APP: variants seen among roughly 807,000 people sequenced by gnomAD.
The protein encoded by APP is amyloid-beta precursor protein.
In APP, 31 loss-of-function variants were observed where a neutral mutation model predicts 101.4. The observed-to-expected ratio is 0.31, with a 90% CI of 0.23 to 0.41. The LOEUF is 0.41. Among genes scored for constraint, APP ranks in the 10% least tolerant of loss-of-function variants. The pLI, the probability that APP is intolerant of heterozygous loss-of-function variation, is 1.00. For missense variants in APP, 839 were observed against 1,003.7 expected (o/e 0.84, Z 2.22); for synonymous variants, 366 against 364.4 (o/e 1.00, Z -0.05).
rs113618309 is a variant in APP, at chr21:26,088,998, C to T, written c.355+945G>A. Among the ~76,000 whole-genome samples the T allele has an allele frequency of 7.3e-4, 111 of 152,264 alleles. 1 individual carries two copies. Among genetic ancestry groups the T allele is most frequent in the African/African-American group, 2.4e-3 (98 of 41,554 alleles). ...TTTGACCATATATTACATAGATCTC[C>T]GGAATCTTCAGTAAATATCCTTACT... On this transcript the variant is annotated intron_variant, in intron 3 of 17. Coordinates refer to ENST00000346798, the MANE Select transcript of APP (RefSeq NM_000484.4).
intron 1 of APP, among the ~76,000 whole-genome samples, chr21:26,126,988 A>C (rs939762572): frequency 2.6e-5 from 4 of 151,970 alleles, no homozygotes; most frequent in African/African-American, 7.3e-5. Context: ...AAAAAAAAAA[A>C]ACGTTAATTT....
At chr21:26,142,402 C>A (rs1298606285) in intron 1 of APP, among the ~76,000 whole-genome samples, 1 of 152,174 alleles carries the variant, frequency 6.6e-6, no homozygotes, top group Admixed American at 6.5e-5. Context: ...TGCTTATTTT[C>A]ACCAAGCCTC....
intron 3 of APP, among the ~76,000 whole-genome samples, chr21:26,058,407 T>G (rs924282207): frequency 1.3e-5 from 2 of 152,176 alleles, no homozygotes; most frequent in Admixed American, 6.5e-5. Context: ...AAAAAAAATC[T>G]GGAATTCTTT....
chr21:26,170,877 G>A, upstream of APP: 2 of 388,320 alleles, frequency 5.2e-6, no homozygotes, highest in Middle Eastern at 6.9e-4. Context: ...GGGGAACTGC[G>A]CCCGCTCGCG....
intron 6 of APP, among the ~76,000 whole-genome samples, chr21:26,007,220 A>T (rs1378098890): frequency 6.6e-6 from 1 of 151,666 alleles, no homozygotes; most frequent in Non-Finnish European, 1.5e-5. Context: ...AAAAGGGCAA[A>T]TGTAAGACAA....
At chr21:26,053,546 T>C in intron 3 of APP, 198 bp from the exon 4 acceptor site, 1 of 502,812 alleles carries the variant, frequency 2.0e-6, no homozygotes. Context: ...ACTTCAAGTT[T>C]GATGGTTAAA....
chr21:26,067,222 T>A (rs758027753), intron 3 of APP, among the ~76,000 whole-genome samples: 1 of 152,256 alleles, frequency 6.6e-6, no homozygotes, highest in Admixed American at 6.5e-5. Flanking sequence ...CATTTCAACA[T>A]GCAATCAATG....
chr21:25,917,044 C>A (rs1469937368), intron 13 of APP, among the ~76,000 whole-genome samples: 1 of 152,032 alleles, frequency 6.6e-6, no homozygotes, highest in South Asian at 2.1e-4. Context: ...GGGTGGATCA[C>A]GAGGTCAGGA....
chr21:26,013,190 G>A (rs953213102), intron 6 of APP, among the ~76,000 whole-genome samples: 7 of 152,088 alleles, frequency 4.6e-5, no homozygotes, highest in East Asian at 1.9e-4. Context: ...GGTTGTGTGC[G>A]CCTGTAATCC....
chr21:26,092,255 A>T (rs2061840923), intron 2 of APP, among the ~76,000 whole-genome samples: 2 of 152,186 alleles, frequency 1.3e-5, no homozygotes, highest in Admixed American at 1.3e-4. Flanking sequence ...ACCCCAAAAA[A>T]ATCAGTTAAA....
At chr21:26,059,224 T>C (rs2046169124) in intron 3 of APP, among the ~76,000 whole-genome samples, 1 of 152,128 alleles carries the variant, frequency 6.6e-6, no homozygotes. Flanking sequence ...TATTTGAATA[T>C]CAGATTAAAA....
intron 5 of APP, among the ~76,000 whole-genome samples, chr21:26,049,792 G>C (rs557216260): frequency 4.7e-4 from 71 of 152,270 alleles, no homozygotes; most frequent in Admixed American, 9.2e-4. Context: ...GAGGATAATG[G>C]ACTAAAAGCC....
At chr21:25,958,433 T>A (rs1291054637) in intron 11 of APP, among the ~76,000 whole-genome samples, 1 of 152,162 alleles carries the variant, frequency 6.6e-6, no homozygotes, top group Non-Finnish European at 1.5e-5. Context: ...CGTGCCACCA[T>A]GCTCAGCTAA....
At chr21:25,883,324 A>ACTT (rs1336297690) in intron 17 of APP, among the ~76,000 whole-genome samples, 1 of 152,024 alleles carries the variant, frequency 6.6e-6, no homozygotes, top group Non-Finnish European at 1.5e-5. Flanking sequence ...AATGGCTTGA[A>ACTT]CTTGGGGGGT....
chr21:25,942,913 A>T (rs1171354310), intron 13 of APP: 3 of 152,068 alleles, frequency 2.0e-5, no homozygotes, highest in African/African-American at 7.2e-5. Flanking sequence ...TATTTTCAAT[A>T]TTGCCAAATT....
At chr21:26,017,207 A>AC (rs1291875870) in intron 6 of APP, among the ~76,000 whole-genome samples, 60 of 149,524 alleles carry the variant, frequency 4.0e-4, no homozygotes, top group African/African-American at 1.4e-3. Context: ...TCAAAAAAAA[A>AC]AAAAAAAAAA....
intron 1 of APP, among the ~76,000 whole-genome samples, chr21:26,169,888 G>A (rs1004315413): frequency 1.3e-5 from 2 of 152,232 alleles, no homozygotes; most frequent in Admixed American, 6.5e-5. Context: ...TTACACAAAA[G>A]GGAGACGCGG....
At chr21:26,154,000 C>T (rs1757739363) in intron 1 of APP, among the ~76,000 whole-genome samples, 1 of 152,136 alleles carries the variant, frequency 6.6e-6, no homozygotes, top group African/African-American at 2.4e-5. Flanking sequence ...GAGTTTACAA[C>T]AAAAGAACAC....
At chr21:25,976,433 C>T (rs1362070150) in intron 9 of APP, among the ~76,000 whole-genome samples, 1 of 152,162 alleles carries the variant, frequency 6.6e-6, no homozygotes, top group Non-Finnish European at 1.5e-5. Context: ...CCATTTTAAA[C>T]TGTATATTTT....
Sources: allele counts gnomAD v4.1 joint callset (sites outside exome capture counted in the v4.1 genomes callset), GRCh38; gene constraint gnomAD v4.1.1; transcripts MANE v1.5; gene names NCBI Gene and HGNC (gene_info 2026-07-23, HGNC 2026-07-21).